SEMA6D: variants seen among roughly 807,000 people sequenced by gnomAD.
The protein encoded by SEMA6D is semaphorin 6D, also known as semaphorin-6D.
A neutral mutation model predicts 106.6 loss-of-function variants in SEMA6D; 35 were observed. The ratio of observed to expected loss-of-function variants is 0.33; its 90% CI spans 0.25 to 0.44. The LOEUF (loss-of-function observed/expected upper bound fraction) is 0.44. Among genes scored for constraint, SEMA6D ranks in the 20% least tolerant of loss-of-function variants. SEMA6D has a pLI of 1.00. For missense variants in SEMA6D, 1,185 were observed against 1,345.9 expected (o/e 0.88, Z 1.87); for synonymous variants, 499 against 487.7 (o/e 1.02, Z -0.31).
intron 3 of SEMA6D, among the ~76,000 whole-genome samples, chr15:47,552,264 T>G (rs569138549): frequency 6.6e-6 from 1 of 152,210 alleles, no homozygotes; most frequent in Non-Finnish European, 1.5e-5. Flanking sequence ...AAATTATATA[T>G]GCACCATGGT....
At chr15:47,738,119 C>T (rs1053542248) in intron 1 of SEMA6D, among the ~76,000 whole-genome samples, 21 of 151,952 alleles carry the variant, frequency 1.4e-4, no homozygotes, top group African/African-American at 4.8e-5. Flanking sequence ...GTTTGCTGCA[C>T]CTCTTGGCCC....
At chr15:47,570,178 C>T (rs1390798556) in intron 3 of SEMA6D, among the ~76,000 whole-genome samples, 1 of 152,094 alleles carries the variant, frequency 6.6e-6, no homozygotes, top group Non-Finnish European at 1.5e-5. Flanking sequence ...AAATCTGACT[C>T]TGCCCCACCC....
At chr15:47,400,447 C>G (rs2040360934) in intron 1 of SEMA6D, among the ~76,000 whole-genome samples, 1 of 148,890 alleles carries the variant, frequency 6.7e-6, no homozygotes, top group Admixed American at 6.8e-5. Context: ...CGAGATCATG[C>G]CACTGCTCTC....
At chr15:47,231,477 C>G (rs1035152606) in intron 1 of SEMA6D, among the ~76,000 whole-genome samples, 1 of 151,924 alleles carries the variant, frequency 6.6e-6, no homozygotes, top group South Asian at 2.1e-4. Context: ...TATGCATTAC[C>G]TTCACTAAAA....
chr15:47,764,493 AG>A (rs1036717359), intron 11 of SEMA6D, 144 bp from the exon 12 acceptor site: 2 of 1,267,204 alleles, frequency 1.6e-6, no homozygotes, highest in African/African-American at 1.5e-5. Context: ...CATTGAATTC[AG>A]GGGCATAGCA....
chr15:47,454,445 G>T (rs1373532825), intron 2 of SEMA6D, among the ~76,000 whole-genome samples: 1 of 151,842 alleles, frequency 6.6e-6, no homozygotes, highest in African/African-American at 2.4e-5. Flanking sequence ...TAGATAGATC[G>T]CTGCCCATGA....
intron 3 of SEMA6D, among the ~76,000 whole-genome samples, chr15:47,470,923 C>T (rs73388934): frequency 0.044 from 6,755 of 152,162 alleles, 402 homozygotes; most frequent in African/African-American, 0.14. Context: ...GTGGGGTGTT[C>T]CCAAATTTTA....
At chr15:47,245,041 T>TC (rs2033126848) in intron 1 of SEMA6D, among the ~76,000 whole-genome samples, 1 of 151,392 alleles carries the variant, frequency 6.6e-6, no homozygotes, top group Non-Finnish European at 1.5e-5. Context: ...TTTTTTTTTT[T>TC]CATGGCTGTG....
chr15:47,325,969 C>T (rs1255914659), intron 1 of SEMA6D, among the ~76,000 whole-genome samples: 1 of 152,080 alleles, frequency 6.6e-6, no homozygotes, highest in African/African-American at 2.4e-5. Flanking sequence ...TTAGAGCCTG[C>T]ATAGTTAATT....
chr15:47,446,666 A>G (rs1327547674), intron 2 of SEMA6D, among the ~76,000 whole-genome samples: 2 of 152,132 alleles, frequency 1.3e-5, no homozygotes, highest in African/African-American at 2.4e-5. Flanking sequence ...TTATTTTAAT[A>G]ATAAATCTAC....
At chr15:47,689,233 T>C (rs2078533733) in intron 4 of SEMA6D, among the ~76,000 whole-genome samples, 1 of 152,226 alleles carries the variant, frequency 6.6e-6, no homozygotes, top group Non-Finnish European at 1.5e-5. Flanking sequence ...CTTGTTTCAG[T>C]CACCCCTTTG....
intron 1 of SEMA6D, among the ~76,000 whole-genome samples, chr15:47,296,868 G>A (rs571691347): frequency 6.6e-6 from 1 of 152,152 alleles, no homozygotes; most frequent in Non-Finnish European, 1.5e-5. Context: ...GAGTTGGTAG[G>A]CACGTGGCTG....
chr15:47,679,611 G>GT (rs2078310888), intron 4 of SEMA6D, among the ~76,000 whole-genome samples: 1 of 137,906 alleles, frequency 7.3e-6, no homozygotes, highest in African/African-American at 2.5e-5. Context: ...GTTTTGTTTT[G>GT]TTTTTTGCTT....
chr15:47,323,999 A>G (rs1278475474), intron 1 of SEMA6D, among the ~76,000 whole-genome samples: 2 of 151,660 alleles, frequency 1.3e-5, no homozygotes, highest in African/African-American at 4.9e-5. Context: ...AAAAAAAAAA[A>G]ATCCAATGAT....
intron 2 of SEMA6D, among the ~76,000 whole-genome samples, chr15:47,463,830 A>T (rs2042584333): frequency 6.6e-6 from 1 of 152,124 alleles, no homozygotes; most frequent in African/African-American, 2.4e-5. Context: ...TTTAGGGAGA[A>T]CCCATTCCTT....
chr15:47,463,769 G>T (rs1403332469), intron 2 of SEMA6D, among the ~76,000 whole-genome samples: 1 of 152,136 alleles, frequency 6.6e-6, no homozygotes, highest in African/African-American at 2.4e-5. Context: ...AGTTCTGGAG[G>T]CCAGAAGTCT....
intron 1 of SEMA6D, among the ~76,000 whole-genome samples, chr15:47,198,576 G>T (rs1894515132): frequency 6.6e-6 from 1 of 152,130 alleles, no homozygotes; most frequent in Non-Finnish European, 1.5e-5. Flanking sequence ...GCTTAGAAGG[G>T]CTCCTGTGTT....
intron 1 of SEMA6D, among the ~76,000 whole-genome samples, chr15:47,283,357 C>T (rs1338546347): frequency 1.3e-5 from 2 of 152,134 alleles, no homozygotes; most frequent in Non-Finnish European, 2.9e-5. Flanking sequence ...GAGGCTGTGA[C>T]ACCACAAGCT....
At chr15:47,343,652 A>G (rs1173834064) in intron 1 of SEMA6D, among the ~76,000 whole-genome samples, 1 of 152,082 alleles carries the variant, frequency 6.6e-6, no homozygotes, top group Non-Finnish European at 1.5e-5. Flanking sequence ...AATCCAGTCT[A>G]TCATTGTGGG....
Sources: gnomAD v4.1 joint callset for allele counts (sites outside exome capture counted in the v4.1 genomes callset) on GRCh38, gnomAD v4.1.1 for gene constraint, MANE v1.5 for transcripts, NCBI Gene and HGNC (gene_info 2026-07-23, HGNC 2026-07-21) for gene names.